ELMO2: variants seen among roughly 807,000 people sequenced by gnomAD.
ELMO2 encodes the protein engulfment and cell motility 2, also known as engulfment and cell motility protein 2.
In ELMO2, 37 loss-of-function variants were observed where a neutral mutation model predicts 96.2. The observed-to-expected ratio is 0.38, with a 90% CI of 0.30 to 0.51. ELMO2 has a LOEUF of 0.51. Among genes scored for constraint, ELMO2 ranks in the 20% least tolerant of loss-of-function variants. The pLI is 0.88. For synonymous variants in ELMO2, 315 were observed against 329.4 expected (o/e 0.96, Z 0.47); for missense variants, 561 against 912.6 (o/e 0.61, Z 4.96).
chr20:46,375,178 C>T lies in ELMO2; in HGVS notation c.1065+58G>A, dbSNP rs753101964. 68 of 1,580,886 alleles carry T rather than the reference C, an allele frequency of 4.3e-5. No individual in the cohort carries two copies. Among genetic ancestry groups the T allele is most frequent in the Middle Eastern group, 2.0e-4 (1 of 5,098 alleles). On this transcript the variant is annotated intron_variant, in intron 13 of 21. Coordinates refer to ENST00000290246, the MANE Select transcript of ELMO2 (RefSeq NM_133171.5). The surrounding 1 kb of genome is among the most constrained non-coding windows in gnomAD (Gnocchi z 4.6). ...TTGTCAGAGCTCTGTCTGGGTGGGA[C>T]CATTGACTTCCCATCAGGGGAGAGG...
chr20:46,371,969 C>A lies in ELMO2; in HGVS notation c.1417G>T (p.Val473Phe). ...MRATAEDFNKVMQVVREQITR... is the reference protein window; with the variant it reads ...MRATAEDFNKFMQVVREQITR... ...ATTTGCTCTCGGACGACTTGCATAACCTAAGAGGAGAAGAACCCAGCCAAC... is the reference window on the plus strand; with the variant it reads ...ATTTGCTCTCGGACGACTTGCATAAACTAAGAGGAGAAGAACCCAGCCAAC... The change falls in exon 17 of 22, where the codon GTT becomes TTT. Residue 473 changes from valine to phenylalanine, a missense_variant and splice_region_variant. Coordinates refer to ENST00000290246, the MANE Select transcript of ELMO2 (RefSeq NM_133171.5). The surrounding 1 kb of genome is among the most constrained non-coding windows in gnomAD (Gnocchi z 5.9). The A allele has an allele frequency of 6.2e-7, 1 of 1,613,628 alleles. No individual in the cohort carries two copies. Among genetic ancestry groups the A allele is most frequent in the Admixed American group, 1.7e-5 (1 of 60,024 alleles).
chr20:46,368,996 C>G (rs371338021), intron 20 of ELMO2, 28 bp from the exon 21 acceptor site: 12 of 1,608,570 alleles, frequency 7.5e-6, no homozygotes, highest in Non-Finnish European at 1.0e-5. Context: ...TAAATTAGAG[C>G]GATGGAACAG....
chr20:46,395,884 C>T (rs1382866638), intron 2 of ELMO2, among the ~76,000 whole-genome samples: 1 of 152,264 alleles, frequency 6.6e-6, no homozygotes, highest in Non-Finnish European at 1.5e-5. Flanking sequence ...AGGATTATCA[C>T]CTCCATTTGA....
Position 46,393,478 on chromosome 20 carries a change from CG to C in ELMO2, c.192+50del, listed in dbSNP as rs1568781422. On this transcript the variant is annotated intron_variant, in intron 5 of 21. Transcript: ENST00000290246. Reference sequence around the variant, plus strand: ...GATAAATAGTGCCGTCTCCTTGGGTCGTTTAATTCCAAGCAAGGCCCATATT... The same window carrying C: ...GATAAATAGTGCCGTCTCCTTGGGTCTTTAATTCCAAGCAAGGCCCATATT... 2.5e-6 allele frequency: 4 copies of C among 1,584,880 alleles called. No individual in the cohort carries two copies. In the South Asian group the frequency reaches 4.5e-5, roughly 18 times the overall value.
Position 46,367,324 on chromosome 20 carries a change from C to G in ELMO2, c.*36G>C. The stretch of plus-strand genomic sequence containing the variant: ...TAAGTGTTTCTCCTGGGCCCAAAAT[C>G]CCTTCTCCTGGGTACCGTCGTTTCT... On this transcript the variant is annotated 3_prime_UTR_variant, in exon 22 of 22. Coordinates refer to ENST00000290246, the MANE Select transcript of ELMO2 (RefSeq NM_133171.5). 7.0e-7 allele frequency: 1 copy of G among 1,432,660 alleles called. No homozygotes were observed. The highest frequency in any genetic ancestry group is 9.2e-7 in the Non-Finnish European group (1 of 1,088,288). 88.7% of individuals were successfully genotyped at this position (1,432,660 alleles called of 1,614,324 possible).
chr20:46,389,642 GT>G (rs2060115650), intron 6 of ELMO2, among the ~76,000 whole-genome samples: 1 of 152,126 alleles, frequency 6.6e-6, no homozygotes, highest in African/African-American at 2.4e-5. Flanking sequence ...GAAGCCAGGA[GT>G]TAGACACCAG....
At chr20:46,390,757 A>C (rs2145832732) in intron 6 of ELMO2, 1 of 152,320 alleles carries the variant, frequency 6.6e-6, no homozygotes, top group South Asian at 2.1e-4. Context: ...GTGTTAAGCA[A>C]GTGACTGGAG....
chr20:46,402,865 C>G (rs6062988), intron 1 of ELMO2, among the ~76,000 whole-genome samples: 151,582 of 152,334 alleles, frequency 1, 75,422 homozygotes, highest in East Asian at 1. Context: ...TGATCTACAT[C>G]GGGGGCTGGA....
intron 15 of ELMO2, 132 bp from the exon 16 acceptor site, chr20:46,373,667 G>A (rs1423477444): frequency 8.8e-7 from 1 of 1,134,240 alleles, no homozygotes; most frequent in African/African-American, 1.6e-5. Context: ...CAGGGAGCGT[G>A]GGATGGGCGT....
chr20:46,405,225 T>C (rs1460350738), intron 1 of ELMO2, among the ~76,000 whole-genome samples: 2 of 152,210 alleles, frequency 1.3e-5, no homozygotes, highest in Non-Finnish European at 2.9e-5. Context: ...TAAGGACAAG[T>C]ACCCAGGGTG....
At chr20:46,378,011 C>T (rs1013719165) in intron 11 of ELMO2, among the ~76,000 whole-genome samples, 1 of 152,212 alleles carries the variant, frequency 6.6e-6, no homozygotes, top group Non-Finnish European at 1.5e-5. Context: ...TCCTATTCCT[C>T]TCTCCTCACT....
At chr20:46,399,238 GA>G (rs2060297119) in intron 1 of ELMO2, among the ~76,000 whole-genome samples, 1 of 152,204 alleles carries the variant, frequency 6.6e-6, no homozygotes, top group South Asian at 2.1e-4. Flanking sequence ...CTGAGGCTAA[GA>G]AACCTTCACA....
intron 2 of ELMO2, among the ~76,000 whole-genome samples, chr20:46,397,399 G>A (rs1453409040): frequency 6.6e-6 from 1 of 152,202 alleles, no homozygotes; most frequent in East Asian, 1.9e-4. Flanking sequence ...GCTGGGCGTG[G>A]TGGCTCATGT....
chr20:46,378,249 T>G (rs1568759539), intron 11 of ELMO2, among the ~76,000 whole-genome samples: 2 of 152,100 alleles, frequency 1.3e-5, no homozygotes, highest in Non-Finnish European at 2.9e-5. Context: ...GGGTCTTAGT[T>G]CTCTGGCTTG....
chr20:46,380,411 A>G, intron 10 of ELMO2, 108 bp from the exon 11 acceptor site: 1 of 875,482 alleles, frequency 1.1e-6, no homozygotes, highest in Non-Finnish European at 1.8e-6. Flanking sequence ...GCTTTCTTAA[A>G]TTTTTTTCCT....
chr20:46,393,059 A>G (rs753713954), intron 6 of ELMO2, 34 bp downstream of exon 6: 18 of 1,601,018 alleles, frequency 1.1e-5, no homozygotes, highest in Non-Finnish European at 4.3e-6. Context: ...TGTTTGTGAC[A>G]TGAATAAACT....
In ELMO2 at chr20:46,371,850, C is replaced by T. The variant is rs747002155; in HGVS notation, c.1536G>A (p.Gln512=). ...AGTCATCCTGACTCATCCTCTCAGACTGGCGCAGTCGTAGAATCTCAGAGT... is the reference window on the plus strand; with the variant it reads ...AGTCATCCTGACTCATCCTCTCAGATTGGCGCAGTCGTAGAATCTCAGAGT... The part of the protein sequence containing the change: ...LSYSEILRLR[Q]SERMSQDDFQ... The change falls in exon 17 of 22, where the codon CAG becomes CAA. Residue 512 remains glutamine, a synonymous_variant. Transcript: ENST00000290246. The surrounding 1 kb of genome is among the most constrained non-coding windows in gnomAD (Gnocchi z 5.9). 1 of 1,614,244 alleles carries T rather than the reference C, an allele frequency of 6.2e-7. No homozygotes were observed.
At chr20:46,391,269 G>A (rs2060145738) in intron 6 of ELMO2, among the ~76,000 whole-genome samples, 1 of 152,322 alleles carries the variant, frequency 6.6e-6, no homozygotes, top group South Asian at 2.1e-4. Context: ...CTGGGTCTGA[G>A]AGCGGGCTTG....
At chr20:46,377,641 A>G (rs1045304763) in intron 11 of ELMO2, among the ~76,000 whole-genome samples, 6 of 152,248 alleles carry the variant, frequency 3.9e-5, no homozygotes, top group African/African-American at 1.2e-4. Flanking sequence ...CAGCACTTCC[A>G]TAGCACATGC....
Sources: allele counts gnomAD v4.1 joint callset (sites outside exome capture counted in the v4.1 genomes callset), GRCh38; gene constraint gnomAD v4.1.1; non-coding constraint Gnocchi (gnomAD v3.1); transcripts MANE v1.5; gene names NCBI Gene and HGNC (gene_info 2026-07-23, HGNC 2026-07-21).